The following CTDP1 variants were observed in gnomAD, a reference collection of about 807,000 sequenced individuals.
The protein encoded by CTDP1 is RNA polymerase II subunit A C-terminal domain phosphatase.
In CTDP1, 47 loss-of-function variants were observed where a neutral mutation model predicts 91.8. The ratio of observed to expected loss-of-function variants is 0.51; its 90% confidence interval spans 0.41 to 0.65. The LOEUF (loss-of-function observed/expected upper bound fraction) is 0.65, where lower values mean the gene tolerates loss of function less well. Among genes scored for constraint, CTDP1 ranks in the 30% least tolerant of loss-of-function variants. CTDP1 has a pLI of 0.00. For synonymous variants in CTDP1, 656 were observed against 598.5 expected (o/e 1.10, Z -1.40); for missense variants, 1,272 against 1,373.7 (o/e 0.93, Z 1.17).
intron 12 of CTDP1, among the ~76,000 whole-genome samples, chr18:79,744,156 CA>C (rs754041820): frequency 6.6e-6 from 1 of 152,194 alleles, no homozygotes; most frequent in Non-Finnish European, 1.5e-5. Context: ...CCAGCTGTCC[CA>C]CCTTTCCAGA....
intron 11 of CTDP1, 68 bp downstream of exon 11, chr18:79,729,137 G>C: frequency 6.2e-7 from 1 of 1,600,492 alleles, no homozygotes; most frequent in Non-Finnish European, 8.5e-7. Context: ...TCTGGTGTGC[G>C]GGCGGATTGC....
intron 6 of CTDP1, among the ~76,000 whole-genome samples, chr18:79,711,482 G>A (rs2086082203): frequency 1.3e-5 from 2 of 152,170 alleles, no homozygotes; most frequent in African/African-American, 4.8e-5. Flanking sequence ...GTAGGGACGG[G>A]ATGGCATCAG....
intron 1 of CTDP1, among the ~76,000 whole-genome samples, chr18:79,684,628 C>G (rs925656445): frequency 1.3e-5 from 2 of 148,330 alleles, no homozygotes; most frequent in African/African-American, 5.3e-5. Flanking sequence ...TGTCACCAGG[C>G]AAGGTGGGTC....
At chr18:79,727,952 A>T (rs1209243752) in intron 10 of CTDP1, among the ~76,000 whole-genome samples, 1 of 152,222 alleles carries the variant, frequency 6.6e-6, no homozygotes, top group African/African-American at 2.4e-5. Flanking sequence ...ATCGAGAAAG[A>T]TGTGTACAGA....
chr18:79,733,166 C>T (rs756938693), intron 11 of CTDP1, among the ~76,000 whole-genome samples: 10 of 152,048 alleles, frequency 6.6e-5, no homozygotes, highest in Non-Finnish European at 1.5e-4. Flanking sequence ...GCCACGGCCT[C>T]GGCACAGGAC....
chr18:79,715,570 C>T lies in CTDP1; in HGVS notation c.2068+42C>T, dbSNP rs762993214. ...TGTGCCCTGGGCATGGTCAGGCCCG[C>T]GGGCTCCTTGCAGGCACTCCTTAGA... On this transcript the variant is annotated intron_variant, in intron 8 of 12. Transcript: ENST00000613122. 5.7e-5 allele frequency: 87 copies of T among 1,520,926 alleles called. No homozygotes were observed. The Middle Eastern group carries it at 9.2e-4, about 16-fold the overall frequency. The allele number at this position is 1,520,926 out of a possible 1,614,324, so 94.2% of individuals were successfully genotyped here. A position where few individuals can be genotyped will look rare whatever the true frequency, so the allele number is the denominator to read the frequency against.
chr18:79,754,507 C>T (rs1285931712), downstream of CTDP1: 5 of 152,746 alleles, frequency 3.3e-5, no homozygotes, highest in African/African-American at 9.6e-5. Context: ...TTTGTAAGTT[C>T]TCTTCTCGTG....
intron 10 of CTDP1, among the ~76,000 whole-genome samples, chr18:79,722,104 G>T (rs1406215542): frequency 6.6e-6 from 1 of 152,182 alleles, no homozygotes; most frequent in Non-Finnish European, 1.5e-5. Context: ...TACAAAACTG[G>T]TGTTTTAATA....
intron 1 of CTDP1, among the ~76,000 whole-genome samples, chr18:79,691,154 A>G (rs1450465802): frequency 1.3e-5 from 2 of 151,340 alleles, no homozygotes; most frequent in Non-Finnish European, 3.0e-5. Flanking sequence ...TGCTGTAGTC[A>G]TCTGCCGGTG....
At chr18:79,720,085 C>A (rs2086305901) in intron 10 of CTDP1, among the ~76,000 whole-genome samples, 1 of 148,650 alleles carries the variant, frequency 6.7e-6, no homozygotes, top group Admixed American at 6.7e-5. Flanking sequence ...CCATCGTGTC[C>A]TGGTGATGAT....
intron 10 of CTDP1, among the ~76,000 whole-genome samples, chr18:79,721,788 C>T (rs1265029190): frequency 6.6e-6 from 1 of 152,034 alleles, no homozygotes; most frequent in Non-Finnish European, 1.5e-5. Flanking sequence ...AAAATAAAAT[C>T]ACAAACCTTT....
At chr18:79,677,361 G>C (rs2122300757), upstream of CTDP1, 1 of 152,420 alleles carries the variant, frequency 6.6e-6, no homozygotes, top group Admixed American at 6.5e-5. Context: ...TAGGCTCAGA[G>C]AGACTCCAGT....
chr18:79,743,048 G>T (rs1319205680), intron 12 of CTDP1, among the ~76,000 whole-genome samples: 1 of 152,232 alleles, frequency 6.6e-6, no homozygotes, highest in African/African-American at 2.4e-5. Flanking sequence ...CGCCGAGGAG[G>T]GGCCTAGGAT....
At chr18:79,687,676 C>G (rs979600389) in intron 1 of CTDP1, among the ~76,000 whole-genome samples, 31 of 151,652 alleles carry the variant, frequency 2.0e-4, no homozygotes, top group Admixed American at 2.0e-3. Flanking sequence ...GGGCCTGCAC[C>G]GCAGCAGTTG....
Position 79,704,416 on chromosome 18 carries a change from G to A in CTDP1, c.622-351G>A, listed in dbSNP as rs530764663. On this transcript the variant is annotated intron_variant, in intron 4 of 12. Coordinates refer to ENST00000613122, the MANE Select transcript of CTDP1 (RefSeq NM_004715.5). Reference sequence around the variant, plus strand: ...CCCACGTGGAGGGGCGTGTACACACGCATGTCCTCTGTCCCGTGTGGAGGG... The same window carrying A: ...CCCACGTGGAGGGGCGTGTACACACACATGTCCTCTGTCCCGTGTGGAGGG... 1.2e-4 allele frequency among the ~76,000 whole-genome samples: 18 copies of A among 151,510 alleles called. No individual in the cohort carries two copies. In the South Asian group the frequency reaches 2.1e-3, roughly 18 times the overall value.
chr18:79,713,198 TC>T lies in CTDP1; in HGVS notation c.1030+61del. ...TCACATTTGCTTATTGTTTAGCTCT[TC>T]TTATTTCTTATCTCTGTTTTGACTG... is the stretch of plus-strand genomic sequence containing the variant. On this transcript the variant is annotated intron_variant, in intron 7 of 12. Transcript: ENST00000613122. This position sits in a 1 kb window ranked among gnomAD's most constrained non-coding sequence, Gnocchi z 4.7. 3.4e-6 allele frequency: 5 copies of T among 1,491,380 alleles called. No homozygotes were observed. The highest frequency in any genetic ancestry group is 4.6e-6 in the Non-Finnish European group (5 of 1,085,024). The allele number at this position is 1,491,380 out of a possible 1,614,324, so 92.4% of individuals were successfully genotyped here.
chr18:79,743,507 C>CG (rs1247518278), intron 12 of CTDP1, among the ~76,000 whole-genome samples: 8 of 123,970 alleles, frequency 6.5e-5, no homozygotes, highest in Non-Finnish European at 1.1e-4. Flanking sequence ...CCCTGGACAA[C>CG]GGAGTGAGAC....
chr18:79,742,224 A>G (rs2086795929), intron 12 of CTDP1, among the ~76,000 whole-genome samples: 2 of 148,480 alleles, frequency 1.3e-5, no homozygotes, highest in Non-Finnish European at 3.0e-5. Flanking sequence ...GCACCAGAGG[A>G]AGCGTGAGGG....
intron 5 of CTDP1, among the ~76,000 whole-genome samples, chr18:79,709,922 G>T (rs2086045987): frequency 6.6e-6 from 1 of 152,224 alleles, no homozygotes; most frequent in Non-Finnish European, 1.5e-5. Context: ...GGTTAGGAAA[G>T]ATCATATCCG....
Sources: gnomAD v4.1 joint callset for allele counts (sites outside exome capture counted in the v4.1 genomes callset) on GRCh38, gnomAD v4.1.1 for gene constraint, Gnocchi (gnomAD v3.1) non-coding constraint, MANE v1.5 for transcripts, NCBI Gene and HGNC (gene_info 2026-07-23, HGNC 2026-07-21) for gene names.